The following ELFN2 variants were observed in gnomAD, a reference collection of about 807,000 sequenced individuals.
The protein encoded by ELFN2 is protein phosphatase 1 regulatory subunit 29.
ELFN2 carries 17 observed loss-of-function variants against 45.5 expected under a neutral mutation model. The observed-to-expected ratio is 0.37, with a 90% CI of 0.26 to 0.56. The LOEUF is 0.56. Ranked by LOEUF, ELFN2 falls within the 20% of genes least tolerant of loss-of-function variation. ELFN2 has a pLI of 0.77. For synonymous variants in ELFN2, 550 were observed against 551.5 expected, an observed-to-expected ratio of 1.00 and a Z score of 0.04; for missense variants, 922 against 1,183.2, an observed-to-expected ratio of 0.78 and a Z score of 3.24.
Position 37,374,174 on chromosome 22 carries a change from T to A in ELFN2, c.1361A>T (p.His454Leu), listed in dbSNP as rs751396260. The change falls in exon 3 of 3, where the codon CAC becomes CTC. Residue 454 changes from histidine (H) to leucine (L), a missense_variant. By Grantham distance (99) the His-to-Leu change is moderately conservative. Transcript: ENST00000402918. ...AGGCTCGCCCAGCTTCTGGGCGGCG[T>A]GCACAATGGAGCCGGCATCCACATC... The part of the protein sequence containing the change: ...GADVDAGSIV[H>L]AAQKLGEPPV... The A allele has an allele frequency of 6.2e-7, 1 of 1,613,082 alleles. No homozygotes were observed. Among genetic ancestry groups the A allele is most frequent in the Non-Finnish European group, 8.5e-7 (1 of 1,180,000 alleles).
chr22:37,425,843 C>A (rs1264552950), intron 1 of ELFN2, among the ~76,000 whole-genome samples: 1 of 149,236 alleles, frequency 6.7e-6, no homozygotes, highest in Non-Finnish European at 1.5e-5. Flanking sequence ...GCCACGAGAA[C>A]AGGGGTGTCA....
intron 1 of ELFN2, among the ~76,000 whole-genome samples, chr22:37,426,637 GCACACACACACAAACACA>G (rs1222249520): frequency 8.2e-6 from 1 of 122,428 alleles, no homozygotes; most frequent in Non-Finnish European, 1.9e-5. Context: ...GCACGCGCTC[GCACACACACACAAACACA>G]CACACACACA....
intron 1 of ELFN2, among the ~76,000 whole-genome samples, chr22:37,356,558 C>T (rs532276733): frequency 1.3e-5 from 2 of 152,276 alleles, no homozygotes; most frequent in South Asian, 4.2e-4. Context: ...GTTTCACACT[C>T]CTGGCCAGGC....
intron 2 of ELFN2, among the ~76,000 whole-genome samples, chr22:37,395,970 A>G (rs1321805939): frequency 6.6e-6 from 1 of 152,184 alleles, no homozygotes; most frequent in South Asian, 2.1e-4. Context: ...AGATACCCGA[A>G]GCTGGTGGTT....
At chr22:37,360,842 A>G (rs1569128076) in intron 1 of ELFN2, among the ~76,000 whole-genome samples, 2 of 152,230 alleles carry the variant, frequency 1.3e-5, no homozygotes, top group Non-Finnish European at 2.9e-5. Context: ...CGTACAAGGC[A>G]GAACAAAAAT....
chr22:37,366,266 G>C (rs1363295468), downstream of ELFN2, among the ~76,000 whole-genome samples: 1 of 152,182 alleles, frequency 6.6e-6, no homozygotes, highest in Admixed American at 6.5e-5. Flanking sequence ...AAAAGGCAAG[G>C]GTGTTTGCAT....
intron 1 of ELFN2, chr22:37,353,729 C>G (rs1433311353): frequency 6.6e-6 from 1 of 151,010 alleles, no homozygotes; most frequent in Non-Finnish European, 1.5e-5. Context: ...ACACACCCAC[C>G]AGAGGGACTA....
At chr22:37,360,336 G>A (rs1478872583) in intron 1 of ELFN2, among the ~76,000 whole-genome samples, 1 of 152,142 alleles carries the variant, frequency 6.6e-6, no homozygotes, top group Admixed American at 6.5e-5. Context: ...AGCATTTGTT[G>A]GGCCTCAGTT....
chr22:37,364,319 G>A (rs548365823), downstream of ELFN2, among the ~76,000 whole-genome samples: 96 of 152,290 alleles, frequency 6.3e-4, no homozygotes, highest in Middle Eastern at 0.01. Flanking sequence ...ACAGGGCCAC[G>A]GGGCAGCCTC....
At chr22:37,347,230 C>T (rs1178336727) in intron 1 of ELFN2, among the ~76,000 whole-genome samples, 3 of 152,134 alleles carry the variant, frequency 2.0e-5, no homozygotes, top group African/African-American at 4.8e-5. Flanking sequence ...CCGCCCGCCT[C>T]GGCCTCCCAA....
chr22:37,348,674 C>T (rs1169262744), intron 1 of ELFN2, among the ~76,000 whole-genome samples: 2 of 150,782 alleles, frequency 1.3e-5, no homozygotes, highest in African/African-American at 2.4e-5. Flanking sequence ...AGGAAGGACA[C>T]TCAGGGGCTT....
chr22:37,346,561 T>C (rs1930700530), intron 1 of ELFN2, among the ~76,000 whole-genome samples: 1 of 152,226 alleles, frequency 6.6e-6, no homozygotes. Context: ...ATTTGGTTTT[T>C]CATTTTGAAG....
chr22:37,415,820 G>A (rs1391347771), intron 2 of ELFN2, among the ~76,000 whole-genome samples: 7 of 152,178 alleles, frequency 4.6e-5, no homozygotes, highest in Admixed American at 2.6e-4. Context: ...AAATTAGCCA[G>A]GCGTGGTGGC....
At chr22:37,395,106 A>AAAATAAATAAAT (rs3041590) in intron 2 of ELFN2, among the ~76,000 whole-genome samples, 81 of 141,022 alleles carry the variant, frequency 5.7e-4, no homozygotes, top group East Asian at 1.9e-3. Context: ...CTCTGTCTCA[A>AAAATAAATAAAT]AAATAAATAA....
At chr22:37,343,848 G>A (rs1189827941) in intron 1 of ELFN2, among the ~76,000 whole-genome samples, 1 of 151,662 alleles carries the variant, frequency 6.6e-6, no homozygotes, top group African/African-American at 2.4e-5. Flanking sequence ...CAACCCTCCT[G>A]GCCCTCATCT....
At chr22:37,358,575 A>G (rs1236006113) in intron 1 of ELFN2, among the ~76,000 whole-genome samples, 1 of 152,120 alleles carries the variant, frequency 6.6e-6, no homozygotes, top group Non-Finnish European at 1.5e-5. Context: ...TTCTCGTCCC[A>G]TTTCCTCTTC....
At chr22:37,425,761 C>T (rs933405891) in intron 1 of ELFN2, among the ~76,000 whole-genome samples, 4 of 152,158 alleles carry the variant, frequency 2.6e-5, no homozygotes, top group Non-Finnish European at 5.9e-5. Context: ...CTGTGCACCC[C>T]TCTCAGGGGA....
At chr22:37,406,605 T>A (rs1424995545) in intron 2 of ELFN2, among the ~76,000 whole-genome samples, 2 of 151,624 alleles carry the variant, frequency 1.3e-5, no homozygotes, top group Non-Finnish European at 2.9e-5. Context: ...CCGCTCTGCA[T>A]CTGCTCAATT....
At chr22:37,381,408 C>G (rs1327093057) in intron 2 of ELFN2, among the ~76,000 whole-genome samples, 1 of 152,110 alleles carries the variant, frequency 6.6e-6, no homozygotes, top group Admixed American at 6.5e-5. Flanking sequence ...TGATTCCAGG[C>G]CAGCTGTGCT....
Sources: allele counts gnomAD v4.1 joint callset (sites outside exome capture counted in the v4.1 genomes callset), GRCh38; gene constraint gnomAD v4.1.1; transcripts MANE v1.5; gene names NCBI Gene and HGNC (gene_info 2026-07-23, HGNC 2026-07-21).